Variants in PRKDC observed in about 807,000 individuals in gnomAD.
PRKDC encodes protein kinase, DNA-activated, catalytic subunit.
Under a neutral mutation model 486.9 loss-of-function variants are expected in PRKDC, and 82 were observed. The observed-to-expected ratio is 0.17, with a 90% confidence interval of 0.14 to 0.20. The LOEUF (loss-of-function observed/expected upper bound fraction) is 0.20. Ranked by LOEUF, PRKDC falls within the 10% of genes least tolerant of loss-of-function variation. PRKDC has a pLI of 1.00. For missense variants in PRKDC, 4,504 were observed against 5,038.2 expected, an observed-to-expected ratio of 0.89 and a Z score of 3.21; for synonymous variants, 1,895 against 1,837.0, an observed-to-expected ratio of 1.03 and a Z score of -0.81.
intron 60 of PRKDC, among the ~76,000 whole-genome samples, chr8:47,831,084 A>G (rs1356399609): frequency 1.3e-5 from 2 of 152,222 alleles, no homozygotes; most frequent in Non-Finnish European, 2.9e-5. Flanking sequence ...TTCCGCCCCA[A>G]GGTCCTGCCC....
At chr8:47,846,964 C>T (rs1181930671) in intron 54 of PRKDC, among the ~76,000 whole-genome samples, 1 of 152,096 alleles carries the variant, frequency 6.6e-6, no homozygotes, top group African/African-American at 2.4e-5. Flanking sequence ...TGAAAGATCT[C>T]TACAAGGAGG....
At position 47,831,829 on chromosome 8, in the gene PRKDC, C is replaced by T; in HGVS notation, c.8250G>A (p.Glu2750=). The part of the protein sequence containing the change: ...SLMYARKGVA[E]QKREKEIKSE... ...AGATACAAACCTTCTCTCGTTTTTG[C>T]TCAGCAACGCCTTTTCTGGCATACA... Residue 2750 remains glutamate (E), a synonymous_variant, in exon 60 of 86, where the codon GAG becomes GAA. Transcript: ENST00000314191. 1.9e-6 allele frequency: 3 copies of T among 1,613,960 alleles called. No homozygotes were observed. In the African/African-American group the frequency reaches 4.0e-5, roughly 22 times the overall value.
chr8:47,941,626 T>G (rs1184291329), intron 10 of PRKDC, among the ~76,000 whole-genome samples: 1 of 152,228 alleles, frequency 6.6e-6, no homozygotes, highest in Non-Finnish European at 1.5e-5. Flanking sequence ...ATCTCTGCAC[T>G]GTGTGCCGCT....
In PRKDC at chr8:47,889,239, G is replaced by T; in HGVS notation, c.4072-17C>A. 6.4e-7 allele frequency: 1 copy of T among 1,572,520 alleles called. No homozygotes were observed. Among genetic ancestry groups the T allele is most frequent in the Non-Finnish European group, 8.6e-7 (1 of 1,157,352 alleles). ...CTTCAGGAGCTGTAACAGATTGTTTGATAAAAACACTTCGTCAGCCAGCAC... is the reference window on the plus strand; with the variant it reads ...CTTCAGGAGCTGTAACAGATTGTTTTATAAAAACACTTCGTCAGCCAGCAC... On this transcript the variant is annotated splice_polypyrimidine_tract_variant and intron_variant, in intron 32 of 85. Transcript: ENST00000314191.
chr8:47,781,595 T>TA (rs1019116248), intron 80 of PRKDC, among the ~76,000 whole-genome samples: 4 of 151,750 alleles, frequency 2.6e-5, no homozygotes, highest in Non-Finnish European at 4.4e-5. Flanking sequence ...AAAAAGGAAA[T>TA]AAAAAAAACC....
chr8:47,908,564 C>T (rs747081940), intron 25 of PRKDC, among the ~76,000 whole-genome samples: 1 of 152,138 alleles, frequency 6.6e-6, no homozygotes, highest in African/African-American at 2.4e-5. Flanking sequence ...AATCACACTG[C>T]ACACAGAAGA....
chr8:47,902,661 A>G lies in PRKDC; in HGVS notation c.3177T>C (p.Leu1059=). 6.2e-7 allele frequency: 1 copy of G among 1,613,800 alleles called. No individual in the cohort carries two copies. The highest frequency in any genetic ancestry group is 1.1e-5 in the South Asian group (1 of 91,036). Residue 1059 remains leucine (L), a synonymous_variant, in exon 27 of 86, where the codon CTT becomes CTC. Coordinates refer to ENST00000314191, the MANE Select transcript of PRKDC (RefSeq NM_006904.7). The part of the protein sequence containing the change: ...QEKSPVNTKS[L]FKRLYSLALH... ...GCGCAAGGCTATAAAGTCGCTTGAA[A>G]AGCGATTTGGTGTTTACTGGACTCT...
At chr8:47,828,376 T>G in intron 61 of PRKDC, 29 bp from the exon 62 acceptor site, 1 of 1,524,636 alleles carries the variant, frequency 6.6e-7, no homozygotes, top group Non-Finnish European at 8.8e-7. Context: ...AAAGACAAAT[T>G]AGGATCTGAA....
At chr8:47,908,156 G>A (rs1032055853) in intron 25 of PRKDC, among the ~76,000 whole-genome samples, 1 of 152,178 alleles carries the variant, frequency 6.6e-6, no homozygotes, top group African/African-American at 2.4e-5. Flanking sequence ...ATGACACGCA[G>A]GGTCCTTTCC....
intron 68 of PRKDC, among the ~76,000 whole-genome samples, chr8:47,809,826 A>C (rs2087292791): frequency 6.6e-6 from 1 of 152,220 alleles, no homozygotes; most frequent in Admixed American, 6.5e-5. Flanking sequence ...AAAACTGGGA[A>C]GGTCTGCTAT....
At chr8:47,900,493 C>T in intron 27 of PRKDC, 26 bp from the exon 28 acceptor site, 2 of 1,540,016 alleles carry the variant, frequency 1.3e-6, no homozygotes, top group Non-Finnish European at 1.8e-6. Flanking sequence ...TAGGAAACCT[C>T]ACCTAAGAAA....
Position 47,927,258 on chromosome 8 carries a change from C to T in PRKDC, c.2355G>A (p.Met785Ile). 6.2e-7 allele frequency: 1 copy of T among 1,613,588 alleles called. No homozygotes were observed. The highest frequency in any genetic ancestry group is 8.5e-7 in the Non-Finnish European group (1 of 1,179,600). Residue 785 changes from methionine to isoleucine, a missense_variant, in exon 21 of 86, where the codon ATG (methionine) becomes ATA (isoleucine). Around this residue, in one of 6 missense-constraint regions of PRKDC, gnomAD observed 1,969 missense variants for 2,068.9 expected, o/e 0.95. Coordinates refer to ENST00000314191, the MANE Select transcript of PRKDC (RefSeq NM_006904.7). ...GGAGAATGTCTTTGTAATAAGGCTG[C>T]ATTACATGTCTGTCAATATAAATTG... ...EWSIYIDRHV[M>I]QPYYKDILPC...
intron 11 of PRKDC, among the ~76,000 whole-genome samples, chr8:47,938,696 G>T (rs757093504): frequency 2.0e-5 from 3 of 151,962 alleles, no homozygotes; most frequent in Non-Finnish European, 4.4e-5. Context: ...CAAGCAGTTG[G>T]GATTACAGGT....
At chr8:47,788,054 C>T (rs966176274) in intron 76 of PRKDC, among the ~76,000 whole-genome samples, 8 of 152,178 alleles carry the variant, frequency 5.3e-5, no homozygotes, top group Admixed American at 5.2e-4. Context: ...CAAGACTTAT[C>T]TATGCCCTTA....
intron 68 of PRKDC, among the ~76,000 whole-genome samples, chr8:47,809,437 T>C (rs907602802): frequency 6.6e-5 from 10 of 152,188 alleles, no homozygotes; most frequent in African/African-American, 2.2e-4. Context: ...AAATGTCTCC[T>C]ACCAGTGTGA....
At chr8:47,928,443 G>A (rs2090191138) in intron 19 of PRKDC, among the ~76,000 whole-genome samples, 1 of 152,062 alleles carries the variant, frequency 6.6e-6, no homozygotes, top group South Asian at 2.1e-4. Context: ...ACGAACCAAA[G>A]TGCCTGGCTG....
intron 74 of PRKDC, 30 bp downstream of exon 74, chr8:47,794,260 T>G: frequency 1.3e-6 from 2 of 1,551,922 alleles, no homozygotes; most frequent in Admixed American, 1.8e-5. Context: ...TAGTATTTGA[T>G]CAACCTATTC....
At chr8:47,940,510 T>C (rs1589807917) in intron 10 of PRKDC, among the ~76,000 whole-genome samples, 1 of 152,228 alleles carries the variant, frequency 6.6e-6, no homozygotes, top group East Asian at 1.9e-4. Context: ...TCTTAGCGCC[T>C]GACCTTCGGG....
Position 47,789,163 on chromosome 8 carries a change from T to C in PRKDC, c.10746A>G (p.Glu3582=). Reference sequence around the variant, plus strand: ...GTTCTATCATTACCTTAAAGAGCAGTTCAGGATTAGAGAGCTGATCTAAGG... The same window carrying C: ...GTTCTATCATTACCTTAAAGAGCAGCTCAGGATTAGAGAGCTGATCTAAGG... ...INALDQLSNP[E]LLFKDWSNDV... The change falls in exon 75 of 86, where the codon GAA becomes GAG. Residue 3582 remains glutamate, a synonymous_variant. Coordinates refer to ENST00000314191, the MANE Select transcript of PRKDC (RefSeq NM_006904.7). The C allele has an allele frequency of 6.2e-7, 1 of 1,613,298 alleles. No homozygotes were observed. The highest frequency in any genetic ancestry group is 8.5e-7 in the Non-Finnish European group (1 of 1,179,508).
Sources: gnomAD v4.1 joint callset for allele counts (sites outside exome capture counted in the v4.1 genomes callset) on GRCh38, gnomAD v4.1.1 for gene constraint, gnomAD v4.1.1 regional missense constraint, MANE v1.5 for transcripts, NCBI Gene and HGNC (gene_info 2026-07-23, HGNC 2026-07-21) for gene names.